The following SLC24A2 variants were observed in gnomAD, a reference collection of about 807,000 sequenced individuals.
SLC24A2 encodes sodium/potassium/calcium exchanger 2.
In SLC24A2, 36 loss-of-function variants were observed where a neutral mutation model predicts 62.0. That is an observed-to-expected ratio of 0.58 (90% CI 0.44 to 0.77). The LOEUF (loss-of-function observed/expected upper bound fraction) is 0.77. Among genes scored for constraint, SLC24A2 ranks in the 30% least tolerant of loss-of-function variants. The pLI, the probability that SLC24A2 is intolerant of heterozygous loss-of-function variation, is 0.00. For missense variants in SLC24A2, 846 were observed against 817.9 expected, an observed-to-expected ratio of 1.03 and a Z score of -0.42; for synonymous variants, 358 against 294.0, an observed-to-expected ratio of 1.22 and a Z score of -2.23.
At chr9:20,183,591 C>T in the SLC24A2 span, among the ~76,000 whole-genome samples, 2 of 152,352 alleles carry the variant, frequency 1.3e-5, no homozygotes, top group African/African-American at 4.8e-5. Flanking sequence ...GTTGCCCAAC[C>T]TCAGAGCTAA....
the SLC24A2 span, among the ~76,000 whole-genome samples, chr9:20,149,604 T>A: frequency 6.6e-6 from 1 of 152,032 alleles, no homozygotes; most frequent in Admixed American, 6.6e-5. Context: ...TATAAACAAG[T>A]TAAAATGGCT....
the SLC24A2 span, among the ~76,000 whole-genome samples, chr9:20,247,109 A>G: frequency 6.6e-6 from 1 of 152,154 alleles, no homozygotes; most frequent in Non-Finnish European, 1.5e-5. Flanking sequence ...TTCAGATATT[A>G]TCTCATGAAA....
chr9:19,859,247 C>G, the SLC24A2 span, among the ~76,000 whole-genome samples: 1 of 151,994 alleles, frequency 6.6e-6, no homozygotes, highest in African/African-American at 2.4e-5. Flanking sequence ...AACACAGGAA[C>G]AGAAAAATAA....
chr9:19,786,319 C>T lies in SLC24A2; in HGVS notation c.548G>A (p.Gly183Glu). Residue 183 changes from glycine to glutamate, a missense_variant, in exon 2 of 11, where the codon GGA becomes GAA. Gly to Glu is a moderately conservative substitution (Grantham distance 98). Coordinates refer to ENST00000341998, the MANE Select transcript of SLC24A2 (RefSeq NM_020344.4). This position sits in a 1 kb window ranked among gnomAD's most constrained non-coding sequence, Gnocchi z 5.0. ...DVAGATFMAA[G>E]GSAPELFTSL... is the part of the protein sequence containing the mutation. ...TGTGAAAAGTTCTGGGGCTGACCCT[C>T]CTGCAGCCATGAAGGTGGCTCCAGC... 1 of 1,614,182 alleles carries T rather than the reference C, an allele frequency of 6.2e-7. No homozygotes were observed. Among genetic ancestry groups the T allele is most frequent in the Non-Finnish European group, 8.5e-7 (1 of 1,180,042 alleles).
chr9:20,151,406 C>A, the SLC24A2 span, among the ~76,000 whole-genome samples: 1 of 151,854 alleles, frequency 6.6e-6, no homozygotes, highest in Non-Finnish European at 1.5e-5. Flanking sequence ...CAATCTTGTT[C>A]CTTTCACAGT....
At chr9:19,522,963 T>A (rs1833271003) in intron 9 of SLC24A2, among the ~76,000 whole-genome samples, 1 of 152,224 alleles carries the variant, frequency 6.6e-6, no homozygotes, top group Non-Finnish European at 1.5e-5. Context: ...TGTCGGCAAG[T>A]TCCAATCTGT....
chr9:20,046,269 C>T, the SLC24A2 span, among the ~76,000 whole-genome samples: 1 of 152,206 alleles, frequency 6.6e-6, no homozygotes, highest in Non-Finnish European at 1.5e-5. Flanking sequence ...CATCTTCATA[C>T]TGTCTAATTG....
chr9:19,570,059 T>C (rs535718556), intron 7 of SLC24A2, among the ~76,000 whole-genome samples: 3 of 152,324 alleles, frequency 2.0e-5, no homozygotes, highest in African/African-American at 7.2e-5. Flanking sequence ...TGGGTTGTGT[T>C]TACATTCTCT....
the SLC24A2 span, among the ~76,000 whole-genome samples, chr9:20,189,480 T>C: frequency 6.6e-6 from 1 of 152,194 alleles, no homozygotes; most frequent in South Asian, 2.1e-4. Flanking sequence ...TTTTTTGTTA[T>C]TGTTGGTTTA....
the SLC24A2 span, among the ~76,000 whole-genome samples, chr9:20,085,778 A>T: frequency 1.3e-5 from 2 of 152,246 alleles, no homozygotes; most frequent in African/African-American, 4.8e-5. Context: ...AATTTTTTCA[A>T]ATATGCTTTT....
At chr9:20,010,853 T>C in the SLC24A2 span, among the ~76,000 whole-genome samples, 1 of 147,570 alleles carries the variant, frequency 6.8e-6, no homozygotes, top group Non-Finnish European at 1.5e-5. Context: ...AGTGAGAACA[T>C]GTGGTGTTTG....
At chr9:19,560,301 G>GC (rs1312352594) in intron 7 of SLC24A2, among the ~76,000 whole-genome samples, 2 of 110,216 alleles carry the variant, frequency 1.8e-5, no homozygotes, top group Admixed American at 2.4e-4. Context: ...TTATGAGCCC[G>GC]CCCCCCACCC....
the SLC24A2 span, among the ~76,000 whole-genome samples, chr9:20,257,888 G>T: frequency 1.3e-5 from 2 of 152,172 alleles, no homozygotes; most frequent in Non-Finnish European, 2.9e-5. Context: ...TGTTTTCCAT[G>T]ACACTGGCAT....
the SLC24A2 span, among the ~76,000 whole-genome samples, chr9:20,192,770 C>T: frequency 1.3e-5 from 2 of 152,080 alleles, no homozygotes; most frequent in Admixed American, 6.5e-5. Flanking sequence ...TTTTTTGAAG[C>T]TCCTTGATTA....
At chr9:19,553,548 CAT>C (rs755883449) in intron 7 of SLC24A2, among the ~76,000 whole-genome samples, 3 of 152,164 alleles carry the variant, frequency 2.0e-5, no homozygotes, top group Non-Finnish European at 2.9e-5. Flanking sequence ...GACACAAAAA[CAT>C]ATGACTTTAA....
Position 19,515,829 on chromosome 9 carries a change from TATAG to T in SLC24A2, c.*320_*323del. 1 of 364,140 alleles carries T rather than the reference TATAG, an allele frequency of 2.7e-6. No homozygotes were observed. 22.6% of individuals were successfully genotyped at this position (364,140 alleles called of 1,614,324 possible). A position where few individuals can be genotyped will look rare whatever the true frequency, so the allele number is the denominator to read the frequency against. Reference sequence around the variant, plus strand: ...TGCGTATATTTATAATATGTGTATTTATAGATATATATAGCCTGTGTCCTTGTTT... The same window carrying T: ...TGCGTATATTTATAATATGTGTATTTATATATATAGCCTGTGTCCTTGTTT... On this transcript the variant is annotated 3_prime_UTR_variant, in exon 11 of 11. Transcript: ENST00000341998.
chr9:19,866,226 AG>A, the SLC24A2 span, among the ~76,000 whole-genome samples: 79 of 152,348 alleles, frequency 5.2e-4, no homozygotes, highest in African/African-American at 1.9e-3. Flanking sequence ...TGTGGAGAAA[AG>A]GGAACCCTCA....
the SLC24A2 span, among the ~76,000 whole-genome samples, chr9:20,290,499 G>A: frequency 2.0e-5 from 3 of 152,196 alleles, no homozygotes; most frequent in African/African-American, 7.2e-5. Context: ...GCCTTTGGCC[G>A]CGGGTCTGTA....
chr9:20,143,615 G>GTGTT, the SLC24A2 span, among the ~76,000 whole-genome samples: 1 of 152,132 alleles, frequency 6.6e-6, no homozygotes, highest in African/African-American at 2.4e-5. Context: ...AAATACATGA[G>GTGTT]TGTTTATTGA....
Sources: allele counts gnomAD v4.1 joint callset (sites outside exome capture counted in the v4.1 genomes callset), GRCh38; gene constraint gnomAD v4.1.1; non-coding constraint Gnocchi (gnomAD v3.1); transcripts MANE v1.5; gene names NCBI Gene and HGNC (gene_info 2026-07-23, HGNC 2026-07-21).